The following CSNK1G3 variants were observed in gnomAD, a reference collection of about 807,000 sequenced individuals.
CSNK1G3 encodes casein kinase I isoform gamma-3.
Under a neutral mutation model 64.3 loss-of-function variants are expected in CSNK1G3, and 23 were observed. The observed-to-expected ratio is 0.36, with a 90% CI of 0.26 to 0.51. The LOEUF (loss-of-function observed/expected upper bound fraction) is 0.51, where lower values mean the gene tolerates loss of function less well. Ranked by LOEUF, CSNK1G3 falls within the 20% of genes least tolerant of loss-of-function variation. The probability of loss-of-function intolerance (pLI) is 0.96; values close to 1 mark genes in which losing one functional copy is unlikely to be tolerated. For missense variants in CSNK1G3, 357 were observed against 510.5 expected, an observed-to-expected ratio of 0.70 and a Z score of 2.90; for synonymous variants, 158 against 162.2, an observed-to-expected ratio of 0.97 and a Z score of 0.20.
At chr5:123,520,636 TG>T (rs1334160936) in intron 1 of CSNK1G3, among the ~76,000 whole-genome samples, 2 of 152,082 alleles carry the variant, frequency 1.3e-5, no homozygotes, top group African/African-American at 4.8e-5. Flanking sequence ...TAAAATTGGA[TG>T]TATTAAAATT....
chr5:123,554,990 A>G (rs1160456513), intron 3 of CSNK1G3, among the ~76,000 whole-genome samples: 1 of 152,094 alleles, frequency 6.6e-6, no homozygotes, highest in African/African-American at 2.4e-5. Context: ...TGCCTTACTA[A>G]ACGTTTATTA....
At chr5:123,529,507 T>G (rs1289546306) in intron 1 of CSNK1G3, among the ~76,000 whole-genome samples, 1 of 152,188 alleles carries the variant, frequency 6.6e-6, no homozygotes, top group Non-Finnish European at 1.5e-5. Context: ...GGCAAGTTGT[T>G]CATCACTGTA....
At chr5:123,521,668 G>A (rs907322181) in intron 1 of CSNK1G3, among the ~76,000 whole-genome samples, 1 of 152,042 alleles carries the variant, frequency 6.6e-6, no homozygotes, top group Non-Finnish European at 1.5e-5. Context: ...TTGAAAATTA[G>A]TAATTTTTCT....
intron 1 of CSNK1G3, among the ~76,000 whole-genome samples, chr5:123,518,813 A>G (rs139227315): frequency 3.7e-4 from 57 of 152,270 alleles, no homozygotes; most frequent in Non-Finnish European, 7.4e-4. Context: ...GGGGATATGG[A>G]TGTTAGAGAG....
chr5:123,536,109 A>G (rs896226345), intron 1 of CSNK1G3, among the ~76,000 whole-genome samples: 1 of 152,256 alleles, frequency 6.6e-6, no homozygotes, highest in South Asian at 2.1e-4. Context: ...CTTATGTAAA[A>G]TGAACCAATC....
chr5:123,614,525 C>A, exon 13 of CSNK1G3: 7 of 659,014 alleles, frequency 1.1e-5, no homozygotes, highest in South Asian at 3.0e-5. Context: ...GTCATACTTT[C>A]ATACTTCATT....
chr5:123,587,820 C>T (rs985338232), intron 6 of CSNK1G3, among the ~76,000 whole-genome samples: 1 of 152,022 alleles, frequency 6.6e-6, no homozygotes, highest in African/African-American at 2.4e-5. Context: ...GACATCTAAG[C>T]AGATAAATAA....
chr5:123,525,722 G>A (rs909271727), intron 1 of CSNK1G3, among the ~76,000 whole-genome samples: 23 of 152,112 alleles, frequency 1.5e-4, no homozygotes, highest in Admixed American at 7.8e-4. Flanking sequence ...GGCTGGGCGC[G>A]GTGGCTTATG....
At chr5:123,593,421 C>T (rs1792816922) in intron 10 of CSNK1G3, among the ~76,000 whole-genome samples, 1 of 152,010 alleles carries the variant, frequency 6.6e-6, no homozygotes, top group East Asian at 1.9e-4. Context: ...TAGATTATGT[C>T]ACGTGACTTA....
At chr5:123,522,690 A>AT (rs1778336670) in intron 1 of CSNK1G3, among the ~76,000 whole-genome samples, 2 of 152,114 alleles carry the variant, frequency 1.3e-5, no homozygotes, top group South Asian at 4.1e-4. Flanking sequence ...GGGAATAATG[A>AT]TAAAAAAAAA....
At chr5:123,574,720 C>A (rs1581216891) in intron 5 of CSNK1G3, among the ~76,000 whole-genome samples, 1 of 151,662 alleles carries the variant, frequency 6.6e-6, no homozygotes, top group Non-Finnish European at 1.5e-5. Context: ...GTCCCAACTG[C>A]TGAGGAGGTT....
At chr5:123,548,800 G>T (rs1329224749) in intron 2 of CSNK1G3, among the ~76,000 whole-genome samples, 2 of 152,022 alleles carry the variant, frequency 1.3e-5, no homozygotes, top group African/African-American at 2.4e-5. Flanking sequence ...CTTAAGATGG[G>T]TTTACATCCT....
At chr5:123,529,257 T>G (rs1779547622) in intron 1 of CSNK1G3, among the ~76,000 whole-genome samples, 1 of 152,212 alleles carries the variant, frequency 6.6e-6, no homozygotes, top group Non-Finnish European at 1.5e-5. Flanking sequence ...ACGTATTGAT[T>G]GGTTGATGAA....
chr5:123,517,149 A>G (rs1777315110), intron 1 of CSNK1G3, among the ~76,000 whole-genome samples: 1 of 152,204 alleles, frequency 6.6e-6, no homozygotes, highest in Non-Finnish European at 1.5e-5. Flanking sequence ...ACACCCTATT[A>G]CAGGAAAATC....
At chr5:123,527,078 C>G (rs1232737523) in intron 1 of CSNK1G3, among the ~76,000 whole-genome samples, 2 of 152,052 alleles carry the variant, frequency 1.3e-5, no homozygotes, top group African/African-American at 4.8e-5. Flanking sequence ...TATTGAATCA[C>G]TTTGATTTGT....
chr5:123,564,699 TA>T (rs1786486454), intron 4 of CSNK1G3, among the ~76,000 whole-genome samples: 1 of 152,190 alleles, frequency 6.6e-6, no homozygotes, highest in Non-Finnish European at 1.5e-5. Flanking sequence ...TCTAAATGTG[TA>T]AATTAAATCA....
intron 10 of CSNK1G3, among the ~76,000 whole-genome samples, chr5:123,595,961 A>AT (rs1487764327): frequency 1.3e-5 from 2 of 151,778 alleles, no homozygotes; most frequent in South Asian, 2.1e-4. Flanking sequence ...TCAATTTAGA[A>AT]TTTTTTTTAC....
At chr5:123,565,606 T>C (rs1786705936) in intron 4 of CSNK1G3, among the ~76,000 whole-genome samples, 1 of 152,216 alleles carries the variant, frequency 6.6e-6, no homozygotes, top group Non-Finnish European at 1.5e-5. Context: ...TGTGTTGCTA[T>C]AAAGAAATGC....
chr5:123,544,309 T>A (rs1331093971), intron 1 of CSNK1G3, among the ~76,000 whole-genome samples: 1 of 152,172 alleles, frequency 6.6e-6, no homozygotes, highest in Non-Finnish European at 1.5e-5. Flanking sequence ...CTGCCTTTCT[T>A]TACCAACTGT....
Sources: gnomAD v4.1 joint callset for allele counts (sites outside exome capture counted in the v4.1 genomes callset) on GRCh38, gnomAD v4.1.1 for gene constraint, MANE v1.5 for transcripts, NCBI Gene and HGNC (gene_info 2026-07-23, HGNC 2026-07-21) for gene names.